The following ANKRD13A variants were observed in gnomAD, a reference collection of about 807,000 sequenced individuals.
The protein encoded by ANKRD13A is ankyrin repeat domain 13A, also known as ankyrin repeat domain-containing protein 13A.
A neutral mutation model predicts 81.3 loss-of-function variants in ANKRD13A; 48 were observed. The observed-to-expected ratio is 0.59, with a 90% CI of 0.47 to 0.75. The LOEUF (loss-of-function observed/expected upper bound fraction) is 0.75. Ranked by LOEUF, ANKRD13A falls within the 30% of genes least tolerant of loss-of-function variation. ANKRD13A has a pLI of 0.00. For synonymous variants in ANKRD13A, 230 were observed against 270.1 expected, an observed-to-expected ratio of 0.85 and a Z score of 1.45; for missense variants, 612 against 734.0, an observed-to-expected ratio of 0.83 and a Z score of 1.92.
chr12:110,025,949 C>A, intron 8 of ANKRD13A, 126 bp downstream of exon 8: 43 of 654,358 alleles, frequency 6.6e-5, no homozygotes, highest in Non-Finnish European at 1.0e-4. Flanking sequence ...ACCCTAACTT[C>A]TTCTCTCTCT....
In ANKRD13A at chr12:110,018,998, G is replaced by C. The variant is rs1371614349; in HGVS notation, c.545-141G>C. On this transcript the variant is annotated intron_variant, in intron 5 of 14. Coordinates refer to ENST00000261739, the MANE Select transcript of ANKRD13A (RefSeq NM_033121.2). The surrounding 1 kb of genome is among the most constrained non-coding windows in gnomAD (Gnocchi z 4.4). The stretch of plus-strand genomic sequence containing the variant: ...ATAATCCCTGTGCAAATAGGTAGTC[G>C]ATAATCAGTACACTGTAGGTTTTAC... 2.5e-6 allele frequency: 2 copies of C among 801,896 alleles called. No homozygotes were observed. Among genetic ancestry groups the C allele is most frequent in the Middle Eastern group, 7.7e-4 (2 of 2,582 alleles). 49.7% of individuals were successfully genotyped at this position (801,896 alleles called of 1,614,324 possible).
At chr12:110,020,632 C>A (rs935366970) in intron 6 of ANKRD13A, among the ~76,000 whole-genome samples, 4 of 152,220 alleles carry the variant, frequency 2.6e-5, no homozygotes, top group African/African-American at 9.6e-5. Flanking sequence ...CTGGGAGGGC[C>A]TTGGAAAGAC....
At chr12:110,029,399 C>A (rs1348247277) in intron 10 of ANKRD13A, 79 bp from the exon 11 acceptor site, 1 of 1,498,174 alleles carries the variant, frequency 6.7e-7, no homozygotes, top group African/African-American at 1.4e-5. Flanking sequence ...CTGCTGTTGT[C>A]TAGCCTACTG....
In ANKRD13A at chr12:110,037,539, A is replaced by C. The variant is rs1892139581; in HGVS notation, c.1758A>C (p.Ser586=). The C allele has an allele frequency of 6.2e-7, 1 of 1,613,418 alleles. No individual in the cohort carries two copies. Among genetic ancestry groups the C allele is most frequent in the Non-Finnish European group, 8.5e-7 (1 of 1,179,988 alleles). The change falls in exon 15 of 15, where the codon TCA becomes TCC. Residue 586 remains serine (S), a synonymous_variant. Transcript: ENST00000261739. ...AGCTCCAGCAAGTCTTACAGCTGTC[A>C]CTCACTGACAAATAGACCTTTCAGC... ...EAELQQVLQL[S]LTDK
At chr12:110,012,239 T>C in intron 2 of ANKRD13A, 102 bp downstream of exon 2, 1 of 1,335,574 alleles carries the variant, frequency 7.5e-7, no homozygotes, top group Non-Finnish European at 1.0e-6. Context: ...GTGGTGCATG[T>C]CTGTAGTACC....
chr12:110,021,204 G>A (rs1009511357), intron 6 of ANKRD13A: 1 of 454,402 alleles, frequency 2.2e-6, no homozygotes, highest in Non-Finnish European at 4.4e-6. Context: ...ATGGTGCTCA[G>A]AATTAAATGT....
upstream of ANKRD13A, chr12:109,999,411 T>G (rs1475541330): frequency 1.1e-5 from 2 of 183,416 alleles, no homozygotes; most frequent in Admixed American, 1.2e-4. This position sits in a 1 kb window ranked among gnomAD's most constrained non-coding sequence, Gnocchi z 4.3. Context: ...ACTTCCCTGT[T>G]TGGGGCAGTT....
chr12:110,012,930 A>G (rs1890600870), intron 2 of ANKRD13A, among the ~76,000 whole-genome samples, 195 bp from the exon 3 acceptor site: 1 of 152,152 alleles, frequency 6.6e-6, no homozygotes, highest in South Asian at 2.1e-4. Context: ...GGGTTTGATC[A>G]AGGTGCTAAG....
In ANKRD13A at chr12:109,999,586, C is replaced by G; in HGVS notation, c.-103C>G. On this transcript the variant is annotated 5_prime_UTR_variant, in exon 1 of 15. Transcript: ENST00000261739. This position sits in a 1 kb window ranked among gnomAD's most constrained non-coding sequence, Gnocchi z 4.3. ...GGCCGGCAGCGTAACACGCCCTACG[C>G]TCGCTTGCTCGCCGGCCTCAGGGCA... 3 of 976,530 alleles carry G rather than the reference C, an allele frequency of 3.1e-6. No homozygotes were observed. The highest frequency in any genetic ancestry group is 4.3e-6 in the Non-Finnish European group (3 of 704,936). 60.5% of individuals were successfully genotyped at this position (976,530 alleles called of 1,614,324 possible).
chr12:110,007,055 T>C (rs1890278071), intron 1 of ANKRD13A, among the ~76,000 whole-genome samples: 1 of 152,242 alleles, frequency 6.6e-6, no homozygotes, highest in African/African-American at 2.4e-5. Context: ...TCCATTGACC[T>C]GTATGTCTGT....
intron 1 of ANKRD13A, among the ~76,000 whole-genome samples, chr12:110,001,370 C>T (rs1292002405): frequency 1.3e-5 from 2 of 151,534 alleles, no homozygotes; most frequent in East Asian, 3.9e-4. Context: ...GTGCTTGCAA[C>T]CTGCCATATT....
Position 109,999,584 on chromosome 12 carries a change from C to CG in ANKRD13A, c.-104dup. ...CCGGCCGGCAGCGTAACACGCCCTA[C>CG]GCTCGCTTGCTCGCCGGCCTCAGGG... On this transcript the variant is annotated 5_prime_UTR_variant, in exon 1 of 15. Coordinates refer to ENST00000261739, the MANE Select transcript of ANKRD13A (RefSeq NM_033121.2). The surrounding 1 kb of genome is among the most constrained non-coding windows in gnomAD (Gnocchi z 4.3). The CG allele has an allele frequency of 1.0e-6, 1 of 959,858 alleles. No homozygotes were observed. The highest frequency in any genetic ancestry group is 3.3e-5 in the East Asian group (1 of 30,250). 59.5% of individuals were successfully genotyped at this position (959,858 alleles called of 1,614,324 possible). A position where few individuals can be genotyped will look rare whatever the true frequency, so the allele number is the denominator to read the frequency against.
rs1889855557 is a variant in ANKRD13A, at chr12:109,999,820, GA to G, written c.96+37del. 8 of 1,494,206 alleles carry G rather than the reference GA, an allele frequency of 5.4e-6. No homozygotes were observed. The highest frequency in any genetic ancestry group is 6.3e-6 in the Non-Finnish European group (7 of 1,115,330). The allele number at this position is 1,494,206 out of a possible 1,614,324, so 92.6% of individuals were successfully genotyped here. On this transcript the variant is annotated intron_variant, in intron 1 of 14. Coordinates refer to ENST00000261739, the MANE Select transcript of ANKRD13A (RefSeq NM_033121.2). This position sits in a 1 kb window ranked among gnomAD's most constrained non-coding sequence, Gnocchi z 4.3. ...GGGCGGGGGTCCGTCTCCCGGTGGG[GA>G]CTTCGGGGAATCGGGGGTCGTTTCG... is the stretch of plus-strand genomic sequence containing the variant.
At chr12:110,016,280 C>CTTTT in intron 3 of ANKRD13A, 108 bp from the exon 4 acceptor site, 1 of 666,702 alleles carries the variant, frequency 1.5e-6, no homozygotes. Flanking sequence ...CTTATTTTCT[C>CTTTT]TTTTTTTTTT....
At chr12:110,027,829 GGA>G in intron 9 of ANKRD13A, 63 bp downstream of exon 9, 2 of 1,562,690 alleles carry the variant, frequency 1.3e-6, no homozygotes, top group South Asian at 1.1e-5. Context: ...TCTGTGTCTG[GGA>G]TGGCATTTAC....
chr12:110,015,908 A>G (rs992824079), intron 3 of ANKRD13A, among the ~76,000 whole-genome samples: 1 of 151,500 alleles, frequency 6.6e-6, no homozygotes, highest in African/African-American at 2.4e-5. Context: ...ATAACACTCT[A>G]ATATTTAATA....
chr12:110,005,282 C>A (rs1010819432), intron 1 of ANKRD13A, among the ~76,000 whole-genome samples: 63 of 152,284 alleles, frequency 4.1e-4, no homozygotes, highest in African/African-American at 1.5e-3. Context: ...GCTAGGACTG[C>A]AAGCAAGCAC....
chr12:110,032,767 T>C (rs1891768357), intron 12 of ANKRD13A: 1 of 152,164 alleles, frequency 6.6e-6, no homozygotes, highest in Non-Finnish European at 1.5e-5. Flanking sequence ...GTATTGAAAA[T>C]AAAAATTTAT....
intron 10 of ANKRD13A, 85 bp downstream of exon 10, chr12:110,028,727 T>G: frequency 6.4e-7 from 1 of 1,554,534 alleles, no homozygotes; most frequent in Non-Finnish European, 8.8e-7. Flanking sequence ...ATCATTCCAC[T>G]GCCCTCCCCA....
Sources: allele counts gnomAD v4.1 joint callset (sites outside exome capture counted in the v4.1 genomes callset), GRCh38; gene constraint gnomAD v4.1.1; non-coding constraint Gnocchi (gnomAD v3.1); transcripts MANE v1.5; gene names NCBI Gene and HGNC (gene_info 2026-07-23, HGNC 2026-07-21).